Variants in FYB2 observed in about 807,000 individuals in gnomAD.
The protein encoded by FYB2 is FYN-binding protein 2.
A neutral mutation model predicts 94.1 loss-of-function variants in FYB2; 103 were observed. The observed-to-expected ratio is 1.09, with a 90% CI of 0.93 to 1.29. The LOEUF (loss-of-function observed/expected upper bound fraction) is 1.29, where lower values mean the gene tolerates loss of function less well. Among genes scored for constraint, FYB2 ranks in the 50% most tolerant of loss-of-function variants. FYB2 has a pLI of 0.00. For missense variants in FYB2, 896 were observed against 841.5 expected (o/e 1.06, Z -0.80); for synonymous variants, 293 against 287.9 (o/e 1.02, Z -0.18).
intron 12 of FYB2, 92 bp downstream of exon 12, chr1:56,742,069 G>A (rs971054809): frequency 9.4e-7 from 1 of 1,067,824 alleles, no homozygotes; most frequent in Non-Finnish European, 1.4e-6. Flanking sequence ...AGTGGGGCTG[G>A]GGGGCGGATG....
intron 1 of FYB2, among the ~76,000 whole-genome samples, chr1:56,803,198 C>T (rs1434891505): frequency 1.3e-5 from 2 of 152,142 alleles, no homozygotes; most frequent in Non-Finnish European, 2.9e-5. Context: ...AGACAGCATG[C>T]TGTGATCAAA....
intron 2 of FYB2, among the ~76,000 whole-genome samples, chr1:56,789,599 A>T (rs1646215251): frequency 2.0e-5 from 3 of 152,156 alleles, no homozygotes; most frequent in Admixed American, 6.5e-5. Flanking sequence ...TGCTCCAATG[A>T]CACCTCCTCT....
At chr1:56,796,769 T>C (rs1175191066) in intron 1 of FYB2, among the ~76,000 whole-genome samples, 3 of 152,184 alleles carry the variant, frequency 2.0e-5, no homozygotes, top group Non-Finnish European at 4.4e-5. Flanking sequence ...AAACCTGTTT[T>C]GCCCTTTCAT....
intron 1 of FYB2, among the ~76,000 whole-genome samples, chr1:56,798,035 C>T (rs937515249): frequency 1.3e-5 from 2 of 152,150 alleles, no homozygotes; most frequent in Non-Finnish European, 2.9e-5. Flanking sequence ...TAAGACAGGG[C>T]CAGTATCCTA....
intron 5 of FYB2, among the ~76,000 whole-genome samples, chr1:56,764,161 C>T (rs889099925): frequency 6.6e-5 from 10 of 152,020 alleles, no homozygotes; most frequent in African/African-American, 2.2e-4. Context: ...ACCATGTTGG[C>T]CAGGTTGGCC....
chr1:56,784,944 C>T (rs2100924656), intron 4 of FYB2, among the ~76,000 whole-genome samples: 1 of 152,352 alleles, frequency 6.6e-6, no homozygotes, highest in East Asian at 1.9e-4. Context: ...TTTCATCTCC[C>T]ATGAAGGTGC....
intron 1 of FYB2, among the ~76,000 whole-genome samples, chr1:56,797,743 A>C (rs1261453292): frequency 6.6e-6 from 1 of 152,144 alleles, no homozygotes; most frequent in Non-Finnish European, 1.5e-5. Context: ...TTCCTAAAAT[A>C]ATTTCTTGTA....
chr1:56,772,306 C>G (rs1328736785), intron 4 of FYB2, among the ~76,000 whole-genome samples: 3 of 151,868 alleles, frequency 2.0e-5, no homozygotes, highest in Non-Finnish European at 4.4e-5. Context: ...AAAATTTTAC[C>G]AAAGTTTCCA....
At chr1:56,759,060 C>T (rs1026090552) in intron 5 of FYB2, among the ~76,000 whole-genome samples, 2 of 152,142 alleles carry the variant, frequency 1.3e-5, no homozygotes, top group African/African-American at 4.8e-5. Context: ...AGTGGCAGCT[C>T]AGAAGGCAAA....
intron 1 of FYB2, among the ~76,000 whole-genome samples, chr1:56,802,271 T>C (rs145760301): frequency 1.3e-4 from 20 of 152,324 alleles, no homozygotes; most frequent in African/African-American, 4.6e-4. Context: ...TCTTTTTCAA[T>C]ACAAGGACTA....
intron 4 of FYB2, among the ~76,000 whole-genome samples, chr1:56,771,387 C>T (rs973553581): frequency 2.0e-5 from 3 of 151,958 alleles, no homozygotes; most frequent in African/African-American, 7.3e-5. Context: ...GTCATTTATA[C>T]AAAAATTTAA....
chr1:56,783,824 A>T (rs1646066529), intron 4 of FYB2, among the ~76,000 whole-genome samples: 1 of 152,184 alleles, frequency 6.6e-6, no homozygotes, highest in African/African-American at 2.4e-5. Context: ...GGCTCTGATG[A>T]AGAAAAATAT....
chr1:56,730,221 A>G (rs1313865598), intron 15 of FYB2, among the ~76,000 whole-genome samples: 1 of 150,998 alleles, frequency 6.6e-6, no homozygotes, highest in East Asian at 2.0e-4. Context: ...AATACAAAAG[A>G]TCAATGAAAC....
chr1:56,764,846 G>A (rs1044160848), intron 5 of FYB2, among the ~76,000 whole-genome samples: 3 of 152,158 alleles, frequency 2.0e-5, no homozygotes, highest in Non-Finnish European at 4.4e-5. Context: ...AGTGACAACA[G>A]ATTCCTGGTT....
At chr1:56,751,950 GA>G (rs1210320100) in intron 8 of FYB2, among the ~76,000 whole-genome samples, 3 of 151,950 alleles carry the variant, frequency 2.0e-5, no homozygotes, top group African/African-American at 7.3e-5. Flanking sequence ...AGAAGACCTC[GA>G]AAAGCAGATT....
At chr1:56,725,486 TAAG>T (rs1644566733) in intron 16 of FYB2, among the ~76,000 whole-genome samples, 1 of 152,090 alleles carries the variant, frequency 6.6e-6, no homozygotes, top group African/African-American at 2.4e-5. Flanking sequence ...AATTGTTTCC[TAAG>T]AAGACTTATT....
intron 16 of FYB2, among the ~76,000 whole-genome samples, chr1:56,726,191 C>G (rs931366322): frequency 3.3e-5 from 5 of 151,912 alleles, no homozygotes; most frequent in African/African-American, 4.8e-5. Context: ...GAGGGAAGTT[C>G]TTACACCTAA....
chr1:56,752,779 C>T (rs1645230459), intron 8 of FYB2, among the ~76,000 whole-genome samples: 1 of 152,084 alleles, frequency 6.6e-6, no homozygotes, highest in Admixed American at 6.5e-5. Flanking sequence ...TAGTTTGAGC[C>T]CATATCTGGC....
intron 17 of FYB2, 112 bp downstream of exon 17, chr1:56,723,476 T>A: frequency 1.8e-6 from 1 of 569,776 alleles, no homozygotes; most frequent in South Asian, 2.6e-5. Context: ...GTGTCAAAGA[T>A]CATGTCTGTA....
Sources: allele counts gnomAD v4.1 joint callset (sites outside exome capture counted in the v4.1 genomes callset), GRCh38; gene constraint gnomAD v4.1.1; transcripts MANE v1.5; gene names NCBI Gene and HGNC (gene_info 2026-07-23, HGNC 2026-07-21).